FYB1: variants seen among roughly 807,000 people sequenced by gnomAD.
FYB1 encodes FYN binding protein 1, also known as FYN-binding protein 1.
A neutral mutation model predicts 94.1 loss-of-function variants in FYB1; 41 were observed. That is an observed-to-expected ratio of 0.44 (90% confidence interval 0.34 to 0.57). FYB1 has a LOEUF of 0.57. Among genes scored for constraint, FYB1 ranks in the 20% least tolerant of loss-of-function variants. The pLI is 0.02. For synonymous variants in FYB1, 367 were observed against 353.2 expected (o/e 1.04, Z -0.44); for missense variants, 1,050 against 976.8 (o/e 1.07, Z -1.00).
At chr5:39,231,070 C>G (rs1355698670) in intron 1 of FYB1, among the ~76,000 whole-genome samples, 1 of 141,692 alleles carries the variant, frequency 7.1e-6, no homozygotes, top group Non-Finnish European at 1.5e-5. Context: ...AGATAATGAG[C>G]AGGAAGAGCT....
At chr5:39,250,277 G>C (rs1318306756) in intron 1 of FYB1, among the ~76,000 whole-genome samples, 4 of 152,336 alleles carry the variant, frequency 2.6e-5, no homozygotes, top group East Asian at 1.9e-4. Flanking sequence ...CAGAGTGAGA[G>C]AGGGGCAAAG....
chr5:39,209,363 A>C (rs1052413202), intron 1 of FYB1, among the ~76,000 whole-genome samples: 1 of 148,382 alleles, frequency 6.7e-6, no homozygotes, highest in African/African-American at 2.5e-5. Context: ...GCCTCCCTCT[A>C]TCACCCAGGC....
At chr5:39,225,281 A>T (rs1266486087) in intron 1 of FYB1, among the ~76,000 whole-genome samples, 2 of 152,188 alleles carry the variant, frequency 1.3e-5, no homozygotes, top group Admixed American at 6.5e-5. Context: ...ATTTTAATTG[A>T]CAGAGCATTA....
At chr5:39,215,773 C>T (rs1749815606) in intron 1 of FYB1, among the ~76,000 whole-genome samples, 1 of 152,138 alleles carries the variant, frequency 6.6e-6, no homozygotes, top group South Asian at 2.1e-4. Context: ...ATGTTGGTTG[C>T]TTGTCTATAA....
chr5:39,156,128 G>A (rs1378864334), intron 2 of FYB1, among the ~76,000 whole-genome samples: 1 of 152,094 alleles, frequency 6.6e-6, no homozygotes, highest in Non-Finnish European at 1.5e-5. Context: ...ACTTAAGGCC[G>A]ACAAGTGAGA....
rs116420309 is a variant in FYB1 at position 39,233,552 on chromosome 5, T to C, written c.-27-30565A>G. 6.5e-3 allele frequency among the ~76,000 whole-genome samples: 992 copies of C among 152,312 alleles called. 15 individuals carry two copies. The highest frequency in any genetic ancestry group is 0.023 in the African/African-American group (941 of 41,578). On this transcript the variant is annotated intron_variant, in intron 1 of 1. Coordinates refer to the FYB1 transcript ENST00000510188. ...GAGAAAACTTTAATTTACTTATTAA[T>C]GCATTTAAAATAACAATAAATCATT... is the stretch of plus-strand genomic sequence containing the variant.
At chr5:39,270,543 G>A in intron 1 of FYB1, 1 of 1,532,130 alleles carries the variant, frequency 6.5e-7, no homozygotes, top group Non-Finnish European at 8.7e-7. Context: ...AGGAGACCAA[G>A]GAGAGTTATA....
chr5:39,179,545 T>C (rs1287006177), intron 2 of FYB1, among the ~76,000 whole-genome samples: 2 of 100,152 alleles, frequency 2.0e-5, no homozygotes, highest in Non-Finnish European at 2.7e-5. Flanking sequence ...TTTCTTCTTT[T>C]TTCTTTTTTT....
At chr5:39,250,565 G>A (rs1008399466) in intron 1 of FYB1, 6 of 152,144 alleles carry the variant, frequency 3.9e-5, no homozygotes, top group Non-Finnish European at 8.8e-5. Context: ...GTATTAAGTG[G>A]AGCGATAGTA....
At chr5:39,148,155 TTATA>T (rs10528848) in intron 3 of FYB1, among the ~76,000 whole-genome samples, 790 of 37,384 alleles carry the variant, frequency 0.021, 10 homozygotes, top group Non-Finnish European at 0.027. Context: ...TATGTATTTT[TTATA>T]TATATATATA....
intron 1 of FYB1, among the ~76,000 whole-genome samples, chr5:39,250,187 G>A (rs894958543): frequency 6.6e-6 from 1 of 152,172 alleles, no homozygotes; most frequent in East Asian, 1.9e-4. Flanking sequence ...AGTCTCGGCA[G>A]TTCTTTATGG....
intron 7 of FYB1, 65 bp downstream of exon 7, chr5:39,137,535 A>G (rs1741774605): frequency 6.7e-7 from 1 of 1,491,902 alleles, no homozygotes. Context: ...CAAGAATGGT[A>G]CCCCTTTTGT....
chr5:39,166,237 G>A (rs1744715290), intron 2 of FYB1, among the ~76,000 whole-genome samples: 1 of 152,122 alleles, frequency 6.6e-6, no homozygotes, highest in South Asian at 2.1e-4. Context: ...AGGAGTTCAA[G>A]ACCAGCCTGA....
At chr5:39,155,356 C>T (rs66994105) in intron 2 of FYB1, among the ~76,000 whole-genome samples, 49,916 of 152,042 alleles carry the variant, frequency 0.33, 8,709 homozygotes, top group East Asian at 0.54. Context: ...ACCCTCTAGG[C>T]CAGGTACAGT....
At chr5:39,236,582 G>T (rs113783334) in intron 1 of FYB1, among the ~76,000 whole-genome samples, 9 of 152,164 alleles carry the variant, frequency 5.9e-5, no homozygotes, top group Admixed American at 4.6e-4. Flanking sequence ...TACAGTCAAA[G>T]GTTCTCATCA....
chr5:39,242,136 ATTTTC>A (rs1398840782), intron 1 of FYB1, among the ~76,000 whole-genome samples: 5 of 151,614 alleles, frequency 3.3e-5, no homozygotes, highest in Admixed American at 1.3e-4. Context: ...TATTTTAACA[ATTTTC>A]TTTTTTTTAT....
intron 2 of FYB1, among the ~76,000 whole-genome samples, chr5:39,176,137 GTTTTTT>G (rs70982547): frequency 3.2e-5 from 2 of 61,658 alleles, no homozygotes; most frequent in East Asian, 2.8e-4. Context: ...TTTTTTTTCT[GTTTTTT>G]TTTTTTTTTT....
At chr5:39,164,705 A>G (rs562271596) in intron 2 of FYB1, among the ~76,000 whole-genome samples, 2 of 152,262 alleles carry the variant, frequency 1.3e-5, no homozygotes, top group South Asian at 2.1e-4. Context: ...GTGAGCCACC[A>G]TGACTGGCCT....
chr5:39,173,724 T>G (rs1218049028), intron 2 of FYB1, among the ~76,000 whole-genome samples: 3 of 150,746 alleles, frequency 2.0e-5, no homozygotes, highest in Non-Finnish European at 4.4e-5. Flanking sequence ...CTTATTTTTG[T>G]CAGTTTTGTC....
Sources: gnomAD v4.1 joint callset for allele counts (sites outside exome capture counted in the v4.1 genomes callset) on GRCh38, gnomAD v4.1.1 for gene constraint, MANE v1.5 for transcripts, NCBI Gene and HGNC (gene_info 2026-07-23, HGNC 2026-07-21) for gene names.